The following EXOSC1 variants were observed in gnomAD, a reference collection of about 807,000 sequenced individuals.
EXOSC1 encodes the protein exosome component 1, also known as exosome complex component CSL4.
In EXOSC1, 27 loss-of-function variants were observed where a neutral mutation model predicts 31.4. The observed-to-expected ratio is 0.86, with a 90% CI of 0.63 to 1.18. EXOSC1 has a LOEUF of 1.18. Ranked by LOEUF, EXOSC1 falls within the 50% of genes most tolerant of loss-of-function variation. The pLI, the probability that EXOSC1 is intolerant of heterozygous loss-of-function variation, is 0.00. For missense variants in EXOSC1, 228 were observed against 250.3 expected, an observed-to-expected ratio of 0.91 and a Z score of 0.60; for synonymous variants, 84 against 89.5, an observed-to-expected ratio of 0.94 and a Z score of 0.35.
chr10:97,436,509 G>A lies in EXOSC1; in HGVS notation c.524C>T (p.Pro175Leu). The A allele has an allele frequency of 6.2e-7, 1 of 1,612,340 alleles. No homozygotes were observed. Among genetic ancestry groups the A allele is most frequent in the Non-Finnish European group, 8.5e-7 (1 of 1,179,524 alleles). Residue 175 changes from proline (P) to leucine (L), a missense_variant, in exon 8 of 8, where the codon CCT becomes CTT. Coordinates refer to ENST00000370902, the MANE Select transcript of EXOSC1 (RefSeq NM_016046.5). The part of the protein sequence containing the change: ...VPISWCEMQC[P>L]KTHTKEFRKV... ...CCGGAATTCTTTAGTGTGGGTCTTA[G>A]GGCACTGCATCTCACACCAGCTGAT...
At chr10:97,439,715 C>T (rs1845654875) in intron 4 of EXOSC1, among the ~76,000 whole-genome samples, 1 of 152,174 alleles carries the variant, frequency 6.6e-6, no homozygotes, top group South Asian at 2.1e-4. Context: ...CCTCCATGGT[C>T]TGTGGAAAAA....
intron 4 of EXOSC1, 37 bp from the exon 5 acceptor site, chr10:97,438,740 G>A (rs777713874): frequency 7.3e-7 from 1 of 1,377,968 alleles, no homozygotes; most frequent in Admixed American, 2.0e-5. Flanking sequence ...TTAATTACCT[G>A]TGAGAAAGAA....
At position 97,445,376 on chromosome 10, in the gene EXOSC1, T is replaced by C. The variant is rs183732437; in HGVS notation, c.147+356A>G. 43 of 240,870 alleles carry C rather than the reference T, an allele frequency of 1.8e-4. No homozygotes were observed. The East Asian group carries it at 2.3e-3, about 13-fold the overall frequency. The allele number at this position is 240,870 out of a possible 1,614,324, so 14.9% of individuals were successfully genotyped here. ...ACACAGAAAAGACAGTATGACTAGATTGCGTCAGTGAGGTGGAGATAGTGG... is the reference window on the plus strand; with the variant it reads ...ACACAGAAAAGACAGTATGACTAGACTGCGTCAGTGAGGTGGAGATAGTGG... On this transcript the variant is annotated intron_variant, in intron 2 of 7. Coordinates refer to ENST00000370902, the MANE Select transcript of EXOSC1 (RefSeq NM_016046.5).
chr10:97,436,200 G>A lies in EXOSC1; in HGVS notation c.*245C>T, dbSNP rs1845528459. ...AATATGTATTTATAAGGACTGTCAG[G>A]AGGGATAGGCTATTTCCAATATCAC... On this transcript the variant is annotated 3_prime_UTR_variant, in exon 8 of 8. Coordinates refer to ENST00000370902, the MANE Select transcript of EXOSC1 (RefSeq NM_016046.5). 1 of 397,896 alleles carries A rather than the reference G, an allele frequency of 2.5e-6. No homozygotes were observed. Among genetic ancestry groups the A allele is most frequent in the Non-Finnish European group, 4.5e-6 (1 of 222,302 alleles). The allele number at this position is 397,896 out of a possible 1,614,324, so 24.6% of individuals were successfully genotyped here. A position where few individuals can be genotyped will look rare whatever the true frequency, so the allele number is the denominator to read the frequency against.
rs760097494 is a variant in EXOSC1 at position 97,441,792 on chromosome 10, GTTT to G, written c.223-536_223-534del. ...GGTGTAAGCCACTGCATCCGGCTGGGTTTTTTTTTTTTTTTTTAAATCTTTTCA... is the reference window on the plus strand; with the variant it reads ...GGTGTAAGCCACTGCATCCGGCTGGGTTTTTTTTTTTTTTAAATCTTTTCA... On this transcript the variant is annotated intron_variant, in intron 3 of 7. Coordinates refer to ENST00000370902, the MANE Select transcript of EXOSC1 (RefSeq NM_016046.5). Among the ~76,000 whole-genome samples, 3 of 128,244 alleles carry G rather than the reference GTTT, an allele frequency of 2.3e-5. 1 individual carries two copies. In the South Asian group the frequency reaches 7.7e-4, roughly 33 times the overall value. The allele number at this position is 128,244 out of a possible 152,430, so 84.1% of individuals were successfully genotyped here.
At chr10:97,442,016 A>C in intron 3 of EXOSC1, among the ~76,000 whole-genome samples, 1 of 151,692 alleles carries the variant, frequency 6.6e-6, no homozygotes, top group Middle Eastern at 3.4e-3. Flanking sequence ...ACCTGTACTA[A>C]AAATACAAAA....
At chr10:97,438,559 C>T in intron 5 of EXOSC1, 111 bp downstream of exon 5, 2 of 971,716 alleles carry the variant, frequency 2.1e-6, no homozygotes, top group African/African-American at 3.3e-5. Context: ...CCCGCCTCAG[C>T]CTCCCAAAGT....
In EXOSC1 at chr10:97,445,766, G is replaced by T; in HGVS notation, c.113C>A (p.Ala38Asp). ...TRHGYIFSSL[A>D]GCLMKSSENG... ...CTCGCTGCTCTTCATCAGACAGCCG[G>T]CAAGCGACGAAAAGATGTAGCCGTG... Residue 38 changes from alanine (A) to aspartate (D), a missense_variant, in exon 2 of 8, where the codon GCC becomes GAC. Coordinates refer to ENST00000370902, the MANE Select transcript of EXOSC1 (RefSeq NM_016046.5). 6.2e-7 allele frequency: 1 copy of T among 1,613,832 alleles called. No homozygotes were observed. The highest frequency in any genetic ancestry group is 8.5e-7 in the Non-Finnish European group (1 of 1,179,756).
At position 97,443,327 on chromosome 10, in the gene EXOSC1, C is replaced by A; in HGVS notation, c.148-16G>T. On this transcript the variant is annotated splice_polypyrimidine_tract_variant and intron_variant, in intron 2 of 7. Coordinates refer to ENST00000370902, the MANE Select transcript of EXOSC1 (RefSeq NM_016046.5). Reference sequence around the variant, plus strand: ...CCACTGGAAGCTACAGAGGGAACAACAAAAAACTGAAATGTCCTGACTAAC... The same window carrying A: ...CCACTGGAAGCTACAGAGGGAACAAAAAAAAACTGAAATGTCCTGACTAAC... 1 of 1,609,884 alleles carries A rather than the reference C, an allele frequency of 6.2e-7. No individual in the cohort carries two copies. Among genetic ancestry groups the A allele is most frequent in the Admixed American group, 1.7e-5 (1 of 58,946 alleles).
At chr10:97,440,092 C>T (rs914490624) in intron 4 of EXOSC1, among the ~76,000 whole-genome samples, 5 of 152,006 alleles carry the variant, frequency 3.3e-5, no homozygotes, top group Non-Finnish European at 5.9e-5. Context: ...CCTGCCTCAG[C>T]CTCCCTAGTA....
intron 3 of EXOSC1, among the ~76,000 whole-genome samples, chr10:97,441,486 GTTTTTT>G (rs781273557): frequency 7.5e-6 from 1 of 133,528 alleles, no homozygotes; most frequent in Admixed American, 7.6e-5. Flanking sequence ...GGTGGTATGG[GTTTTTT>G]TTTTTTTTTT....
chr10:97,439,425 G>A (rs1032875163), intron 4 of EXOSC1, among the ~76,000 whole-genome samples: 3 of 152,046 alleles, frequency 2.0e-5, no homozygotes, highest in South Asian at 4.2e-4. Flanking sequence ...GATCGAAGTG[G>A]GCATTAGATT....
rs540786715 is a variant in EXOSC1, at chr10:97,441,809, T to A, written c.223-550A>T. Among the ~76,000 whole-genome samples the A allele has an allele frequency of 5.7e-4, 83 of 146,880 alleles. 1 individual carries two copies. The East Asian group carries it at 8.3e-3, about 15-fold the overall frequency. On this transcript the variant is annotated intron_variant, in intron 3 of 7. Transcript: ENST00000370902. ...CCGGCTGGGTTTTTTTTTTTTTTTT[T>A]AAATCTTTTCACAACTTGCCCTTCA...
intron 5 of EXOSC1, among the ~76,000 whole-genome samples, 199 bp downstream of exon 5, chr10:97,438,471 A>G (rs952062473): frequency 6.6e-6 from 1 of 151,348 alleles, no homozygotes; most frequent in East Asian, 2.0e-4. Flanking sequence ...CAATTTTTGA[A>G]TTTTTAAAAT....
At chr10:97,445,478 G>A in intron 2 of EXOSC1, 1 of 557,360 alleles carries the variant, frequency 1.8e-6, no homozygotes, top group Non-Finnish European at 3.2e-6. Context: ...GGCTGGGATG[G>A]GATACTGAGT....
At chr10:97,445,125 C>A (rs1379146511) in intron 2 of EXOSC1, 1 of 151,980 alleles carries the variant, frequency 6.6e-6, no homozygotes, top group Non-Finnish European at 1.5e-5. Flanking sequence ...AACTCCTTTC[C>A]TCAATTAGTG....
chr10:97,443,149 G>T, intron 3 of EXOSC1, 88 bp downstream of exon 3: 1 of 1,062,542 alleles, frequency 9.4e-7, no homozygotes, highest in South Asian at 1.5e-5. Flanking sequence ...GTAGCTTGTG[G>T]CTATCATACT....
chr10:97,441,309 C>G, intron 3 of EXOSC1, 50 bp from the exon 4 acceptor site: 1 of 1,529,708 alleles, frequency 6.5e-7, no homozygotes, highest in East Asian at 2.3e-5. Context: ...GTTGTCAGCT[C>G]AAGGAGGCAG....
At chr10:97,445,010 A>G (rs936184295) in intron 2 of EXOSC1, 18 of 152,190 alleles carry the variant, frequency 1.2e-4, no homozygotes, top group Non-Finnish European at 7.3e-5. Flanking sequence ...AGTAGGAAAC[A>G]TATACCTGAG....
Sources: allele counts gnomAD v4.1 joint callset (sites outside exome capture counted in the v4.1 genomes callset), GRCh38; gene constraint gnomAD v4.1.1; transcripts MANE v1.5; gene names NCBI Gene and HGNC (gene_info 2026-07-23, HGNC 2026-07-21).